The following CKM variants were observed in gnomAD, a reference collection of about 807,000 sequenced individuals.
The protein encoded by CKM is creatine kinase M-type.
CKM carries 28 observed loss-of-function variants against 35.4 expected under a neutral mutation model. The ratio of observed to expected loss-of-function variants is 0.79; its 90% CI spans 0.59 to 1.08. The LOEUF (loss-of-function observed/expected upper bound fraction) is 1.08. CKM is among the 50% of genes least tolerant of loss of function. The probability of loss-of-function intolerance (pLI) is 0.00; values close to 1 mark genes in which losing one functional copy is unlikely to be tolerated. For missense variants in CKM, 484 were observed against 509.8 expected (o/e 0.95, Z 0.49); for synonymous variants, 215 against 204.4 (o/e 1.05, Z -0.44).
At chr19:45,308,607 C>A in intron 5 of CKM, 75 bp from the exon 6 acceptor site, 1 of 1,590,786 alleles carries the variant, frequency 6.3e-7, no homozygotes. Context: ...TCCCCCAAAA[C>A]ATCTGCCCAC....
intron 5 of CKM, among the ~76,000 whole-genome samples, chr19:45,309,465 A>G (rs1333507815): frequency 6.8e-6 from 1 of 147,932 alleles, no homozygotes; most frequent in Non-Finnish European, 1.5e-5. Flanking sequence ...CTGAGGCGGG[A>G]GGATCACTTG....
intron 3 of CKM, among the ~76,000 whole-genome samples, chr19:45,316,193 G>C (rs564100263): frequency 6.6e-6 from 1 of 151,998 alleles, no homozygotes; most frequent in Admixed American, 6.6e-5. Context: ...AGCTGGGCGT[G>C]GTGGTGCGCG....
At chr19:45,310,373 G>T (rs1971096823) in intron 5 of CKM, among the ~76,000 whole-genome samples, 1 of 151,382 alleles carries the variant, frequency 6.6e-6, no homozygotes, top group Non-Finnish European at 1.5e-5. Flanking sequence ...GCCCGCCTTG[G>T]CCTCCCAAAG....
intron 1 of CKM, among the ~76,000 whole-genome samples, chr19:45,320,506 G>T (rs1310442385): frequency 6.6e-6 from 1 of 152,258 alleles, no homozygotes; most frequent in Admixed American, 6.5e-5. Flanking sequence ...CTGTGTCTCA[G>T]CAGGAAGGCA....
At position 45,306,679 on chromosome 19, in the gene CKM, G is replaced by A. The variant is rs1368391599; in HGVS notation, c.*71C>T. On this transcript the variant is annotated 3_prime_UTR_variant, in exon 8 of 8. Transcript: ENST00000221476. The surrounding 1 kb of genome is among the most constrained non-coding windows in gnomAD (Gnocchi z 4.5). Reference sequence around the variant, plus strand: ...ACAGGGGGCGGGGCGAGGAGTGAGGGAGCAGGACTCTGGTGGGCCAGGCCC... The same window carrying A: ...ACAGGGGGCGGGGCGAGGAGTGAGGAAGCAGGACTCTGGTGGGCCAGGCCC... 1.3e-6 allele frequency: 2 copies of A among 1,530,122 alleles called. No individual in the cohort carries two copies. The highest frequency in any genetic ancestry group is 1.4e-5 in the African/African-American group (1 of 73,442). 94.8% of individuals were successfully genotyped at this position (1,530,122 alleles called of 1,614,324 possible).
chr19:45,310,776 T>C (rs1221939650), intron 5 of CKM, among the ~76,000 whole-genome samples: 2 of 126,252 alleles, frequency 1.6e-5, no homozygotes, highest in Admixed American at 8.0e-5. Flanking sequence ...TTTTTTTTTT[T>C]TTTTTTTTTT....
chr19:45,311,954 T>C (rs752957587), intron 4 of CKM, 34 bp from the exon 5 acceptor site: 1 of 1,611,828 alleles, frequency 6.2e-7, no homozygotes, highest in Admixed American at 1.7e-5. Flanking sequence ...GTCAGCAGCC[T>C]GTCCCACCTC....
At chr19:45,309,084 T>C (rs1971082921) in intron 5 of CKM, among the ~76,000 whole-genome samples, 1 of 150,518 alleles carries the variant, frequency 6.6e-6, no homozygotes, top group South Asian at 2.1e-4. Context: ...AAAAAAAATC[T>C]GGGCATGGTG....
Position 45,319,744 on chromosome 19 carries a change from G to T in CKM, c.-18-13C>A. The stretch of plus-strand genomic sequence containing the variant: ...CGGTGTAGGAGACCTGATGGGCAGG[G>T]CAGGAGGGGAAGATTGAAGATTAGC... On this transcript the variant is annotated splice_polypyrimidine_tract_variant and intron_variant, in intron 1 of 7. Transcript: ENST00000221476. 4.4e-6 allele frequency: 7 copies of T among 1,603,314 alleles called. No homozygotes were observed. Among genetic ancestry groups the T allele is most frequent in the Non-Finnish European group, 6.0e-6 (7 of 1,170,564 alleles).
intron 3 of CKM, among the ~76,000 whole-genome samples, chr19:45,317,255 G>A (rs1036381122): frequency 3.3e-5 from 5 of 151,820 alleles, no homozygotes; most frequent in African/African-American, 9.7e-5. Context: ...TTACAGGCAC[G>A]CGCCACCATG....
chr19:45,319,616 A>G lies in CKM; in HGVS notation c.98T>C (p.Val33Ala), dbSNP rs2123145579. The change falls in exon 2 of 8, where the codon GTA (valine) becomes GCA (alanine). Residue 33 changes from valine (V) to alanine (A), a missense_variant. By Grantham distance (64) the Val-to-Ala change is moderately conservative. Transcript: ENST00000221476. ...LSKHNNHMAK[V>A]LTLELYKKLR... is the part of the protein sequence containing the mutation. ...CTTCTTGTAGAGTTCAAGGGTCAGTACCTTGGCCATGTGGTTGTTATGTTT... is the reference window on the plus strand; with the variant it reads ...CTTCTTGTAGAGTTCAAGGGTCAGTGCCTTGGCCATGTGGTTGTTATGTTT... The G allele has an allele frequency of 1.2e-6, 2 of 1,613,958 alleles. No homozygotes were observed. The highest frequency in any genetic ancestry group is 2.2e-5 in the East Asian group (1 of 44,868).
chr19:45,306,943 G>A lies in CKM; in HGVS notation c.968-15C>T. The stretch of plus-strand genomic sequence containing the variant: ...GTCCACGCCACCTGTGGGAGCAAGG[G>A]ACAGGGGCGTGAAGAGGCAGCGAAG... On this transcript the variant is annotated splice_polypyrimidine_tract_variant and intron_variant, in intron 7 of 7. Transcript: ENST00000221476. The surrounding 1 kb of genome is among the most constrained non-coding windows in gnomAD (Gnocchi z 4.5). The A allele has an allele frequency of 6.2e-7, 1 of 1,613,012 alleles. No individual in the cohort carries two copies. The highest frequency in any genetic ancestry group is 8.5e-7 in the Non-Finnish European group (1 of 1,179,970).
rs769613327 is a variant in CKM, at chr19:45,315,448, G to C, written c.481+17C>G. 15 of 1,597,558 alleles carry C rather than the reference G, an allele frequency of 9.4e-6. No individual in the cohort carries two copies. Among genetic ancestry groups the C allele is most frequent in the African/African-American group, 1.3e-5 (1 of 75,024 alleles). On this transcript the variant is annotated intron_variant, in intron 4 of 7. Coordinates refer to ENST00000221476, the MANE Select transcript of CKM (RefSeq NM_001824.5). ...GGGCTGGGTGACCCCAGCAGTGGAC[G>C]GGGTAGGGGCGCTCACCTTCCACAG...
At chr19:45,311,195 G>A (rs1971106202) in intron 5 of CKM, among the ~76,000 whole-genome samples, 1 of 151,248 alleles carries the variant, frequency 6.6e-6, no homozygotes, top group East Asian at 1.9e-4. Flanking sequence ...TGGGATTACA[G>A]GTGTGAGCCA....
Position 45,319,597 on chromosome 19 carries a change from G to T in CKM, c.117C>A (p.Tyr39Ter). 1 of 1,614,094 alleles carries T rather than the reference G, an allele frequency of 6.2e-7. No individual in the cohort carries two copies. Among genetic ancestry groups the T allele is most frequent in the Non-Finnish European group, 8.5e-7 (1 of 1,180,010 alleles). ...HMAKVLTLEL[Y>*]KKLRDKETPS... is the part of the protein sequence containing the mutation. ...GAGTCTCCTTGTCCCGCAGCTTCTTGTAGAGTTCAAGGGTCAGTACCTTGG... is the reference window on the plus strand; with the variant it reads ...GAGTCTCCTTGTCCCGCAGCTTCTTTTAGAGTTCAAGGGTCAGTACCTTGG... The change falls in exon 2 of 8, where the codon TAC (tyrosine) becomes TAA (stop). Residue 39 changes from tyrosine (Y) to a stop codon, truncating the protein, a stop_gained. Coordinates refer to ENST00000221476, the MANE Select transcript of CKM (RefSeq NM_001824.5). LOFTEE classifies it high-confidence loss of function.
chr19:45,317,687 C>A (rs1052165347), intron 3 of CKM, 138 bp downstream of exon 3: 2 of 972,596 alleles, frequency 2.1e-6, no homozygotes, highest in African/African-American at 1.6e-5. Context: ...CTCCCAATGT[C>A]CCTCTCTCTT....
Position 45,317,929 on chromosome 19 carries a change from A to AGG in CKM, c.242_243dup (p.Tyr82ProfsTer85). 3.7e-6 allele frequency: 6 copies of AGG among 1,613,710 alleles called. No individual in the cohort carries two copies. The highest frequency in any genetic ancestry group is 5.1e-6 in the Non-Finnish European group (6 of 1,179,934). On this transcript the variant is annotated frameshift_variant, in exon 3 of 8. Transcript: ENST00000221476. LOFTEE classifies it high-confidence loss of function. ...TCAAAGAGTTCCTTGAAAACTTCGT[A>AGG]GGACTCCTCATCACCAGCCACGCAG...
chr19:45,308,200 G>A (rs1286687377), intron 6 of CKM, among the ~76,000 whole-genome samples: 1 of 151,678 alleles, frequency 6.6e-6, no homozygotes, highest in Non-Finnish European at 1.5e-5. Flanking sequence ...GGCATAGGGT[G>A]GAGCTGGGTC....
At chr19:45,314,036 GAGAA>G (rs1971133635) in intron 4 of CKM, among the ~76,000 whole-genome samples, 1 of 149,104 alleles carries the variant, frequency 6.7e-6, no homozygotes, top group Admixed American at 6.8e-5. Flanking sequence ...AAAAGAGAGA[GAGAA>G]AGAGAAGGAA....
Sources: gnomAD v4.1 joint callset for allele counts (sites outside exome capture counted in the v4.1 genomes callset) on GRCh38, gnomAD v4.1.1 for gene constraint, Gnocchi (gnomAD v3.1) non-coding constraint, MANE v1.5 for transcripts, NCBI Gene and HGNC (gene_info 2026-07-23, HGNC 2026-07-21) for gene names.